C17orf99: variants seen among roughly 807,000 people sequenced by gnomAD.
C17orf99 encodes the protein chromosome 17 open reading frame 99, also known as protein IL-40.
In C17orf99, 18 loss-of-function variants were observed where a neutral mutation model predicts 22.6. The observed-to-expected ratio is 0.80, with a 90% confidence interval of 0.55 to 1.18. The LOEUF is 1.18. C17orf99 is among the 50% of genes most tolerant of loss of function. The pLI is 0.00. For synonymous variants in C17orf99, 147 were observed against 136.6 expected (o/e 1.08, Z -0.53); for missense variants, 328 against 342.7 (o/e 0.96, Z 0.34).
At position 78,157,657 on chromosome 17, in the gene C17orf99, C is replaced by T. The variant is rs112568717; in HGVS notation, c.71-3298C>T. On this transcript the variant is annotated intron_variant, in intron 2 of 4. Transcript: ENST00000340363. ...ACTAAAAATACAAAAATTAGCCGGG[C>T]GTGGTGGCGGGCGCCTGTAGTCCCA... 2.3e-3 allele frequency among the ~76,000 whole-genome samples: 354 copies of T among 151,870 alleles called. 1 individual carries two copies. Among genetic ancestry groups the T allele is most frequent in the Non-Finnish European group, 3.5e-3 (240 of 67,966 alleles).
Position 78,165,934 on chromosome 17 carries a change from C to A in C17orf99, c.686C>A (p.Pro229His). ...GACTGGCAGGGTCCCCTGGAGAGCC[C>A]CATCCTTGCCTTGCCGCTCTACAGG... ...MEDWQGPLESPILALPLYRST... is the reference protein window; with the variant it reads ...MEDWQGPLESHILALPLYRST... Residue 229 changes from proline (P) to histidine (H), a missense_variant, in exon 5 of 5, where the codon CCC becomes CAC. Pro to His is a moderately conservative substitution (Grantham distance 77). Coordinates refer to ENST00000340363, the MANE Select transcript of C17orf99 (RefSeq NM_001163075.2). 1 of 1,469,918 alleles carries A rather than the reference C, an allele frequency of 6.8e-7. No individual in the cohort carries two copies. The highest frequency in any genetic ancestry group is 9.1e-7 in the Non-Finnish European group (1 of 1,097,324). 91.1% of individuals were successfully genotyped at this position (1,469,918 alleles called of 1,614,324 possible).
intron 2 of C17orf99, among the ~76,000 whole-genome samples, chr17:78,151,340 G>A (rs1045031323): frequency 8.8e-5 from 12 of 135,766 alleles, no homozygotes; most frequent in East Asian, 4.9e-4. Flanking sequence ...CACAAGAATC[G>A]CTTGAAACCA....
Position 78,161,204 on chromosome 17 carries a change from G to C in C17orf99, c.320G>C (p.Gly107Ala). The C allele has an allele frequency of 6.4e-7, 1 of 1,551,746 alleles. No individual in the cohort carries two copies. The highest frequency in any genetic ancestry group is 8.7e-7 in the Non-Finnish European group (1 of 1,146,986). ...TTCTGCTGGGCGTCCTCCACCTCAG[G>C]TGCCCATGTGGACAGTGCCAGGCTA... ...TYFCWASSTS[G>A]AHVDSARLQM... The change falls in exon 3 of 5, where the codon GGT becomes GCT. Residue 107 changes from glycine (G) to alanine (A), a missense_variant. By Grantham distance (60) the Gly-to-Ala change is moderately conservative. Transcript: ENST00000340363.
rs898289830 is a variant in C17orf99 at position 78,146,392 on chromosome 17, C to T, written c.-16C>T. The T allele has an allele frequency of 6.5e-7, 1 of 1,550,102 alleles. No individual in the cohort carries two copies. On this transcript the variant is annotated 5_prime_UTR_variant, in exon 1 of 5. Coordinates refer to ENST00000340363, the MANE Select transcript of C17orf99 (RefSeq NM_001163075.2). This position sits in a 1 kb window ranked among gnomAD's most constrained non-coding sequence, Gnocchi z 5.2. ...GGTTCTCACTGCCCGAGCAGAGGCC[C>T]TACACCCACCGAGGCATGGGGCTCC...
intron 2 of C17orf99, chr17:78,159,138 TAA>T (rs59978970): frequency 2.6e-5 from 4 of 151,490 alleles, no homozygotes; most frequent in African/African-American, 4.9e-5. Flanking sequence ...TAATATGATT[TAA>T]AAAAAAAAGG....
intron 2 of C17orf99, among the ~76,000 whole-genome samples, chr17:78,155,345 G>T (rs548030100): frequency 6.6e-6 from 1 of 151,968 alleles, no homozygotes; most frequent in Non-Finnish European, 1.5e-5. Context: ...CTCATTGCAG[G>T]GTGGTTTCCA....
rs2075570976 is a variant in C17orf99, at chr17:78,161,015, G to A, written c.131G>A (p.Trp44Ter). 6.4e-7 allele frequency: 1 copy of A among 1,551,576 alleles called. No homozygotes were observed. Among genetic ancestry groups the A allele is most frequent in the Non-Finnish European group, 8.7e-7 (1 of 1,146,958 alleles). The change falls in exon 3 of 5, where the codon TGG becomes TAG. Residue 44 changes from tryptophan (W) to a stop codon, truncating the protein, a stop_gained. Coordinates refer to ENST00000340363, the MANE Select transcript of C17orf99 (RefSeq NM_001163075.2). LOFTEE classifies it high-confidence loss of function. ...KVLEVFPKGR[W>*]VLITCCAPQP... ...CTGGAAGTTTTCCCCAAAGGCCGCT[G>A]GGTGCTCATAACCTGCTGTGCACCC... is the stretch of plus-strand genomic sequence containing the variant.
chr17:78,160,917 G>T, intron 2 of C17orf99, 38 bp from the exon 3 acceptor site: 13 of 1,504,038 alleles, frequency 8.6e-6, no homozygotes, highest in South Asian at 1.2e-5. Flanking sequence ...GATCAATGTC[G>T]GTTTCTTTCT....
intron 2 of C17orf99, among the ~76,000 whole-genome samples, chr17:78,154,681 A>G (rs1007258638): frequency 1.3e-5 from 2 of 151,922 alleles, no homozygotes; most frequent in African/African-American, 4.8e-5. Context: ...TGTCTCTACT[A>G]AAAATACAAA....
intron 2 of C17orf99, chr17:78,157,850 C>T (rs1053000916): frequency 2.5e-5 from 27 of 1,063,658 alleles, no homozygotes; most frequent in Admixed American, 1.6e-4. Flanking sequence ...ACTCAAAGGC[C>T]GGCCACGTAA....
chr17:78,151,568 C>A (rs547559349), intron 2 of C17orf99, among the ~76,000 whole-genome samples: 34 of 152,110 alleles, frequency 2.2e-4, no homozygotes, highest in Admixed American at 6.5e-4. Context: ...CAAGGCCCCG[C>A]GGGAGCACCT....
chr17:78,147,343 C>G (rs2075444652), intron 2 of C17orf99, among the ~76,000 whole-genome samples: 1 of 152,160 alleles, frequency 6.6e-6, no homozygotes, highest in African/African-American at 2.4e-5. Flanking sequence ...ATTCTCTGAC[C>G]AGGAGGAGGG....
chr17:78,164,924 G>T, intron 4 of C17orf99: 1 of 1,155,666 alleles, frequency 8.7e-7, no homozygotes, highest in South Asian at 1.8e-5. Context: ...AACACAGTCT[G>T]CTGGCCTCTG....
chr17:78,164,450 A>G (rs748770116), intron 4 of C17orf99, 86 bp downstream of exon 4: 66 of 1,548,906 alleles, frequency 4.3e-5, no homozygotes, highest in Non-Finnish European at 5.8e-5. Flanking sequence ...GTCGATGGGA[A>G]GTGGGACAGC....
chr17:78,146,869 T>C lies in C17orf99; in HGVS notation c.38-10T>C. On this transcript the variant is annotated splice_polypyrimidine_tract_variant and intron_variant, in intron 1 of 4. Coordinates refer to ENST00000340363, the MANE Select transcript of C17orf99 (RefSeq NM_001163075.2). The surrounding 1 kb of genome is among the most constrained non-coding windows in gnomAD (Gnocchi z 5.2). ...AGGCCCTCTCCTTATCGCCCTTACC[T>C]CTCTTACAGCTGCCAGCAGCTTCTC... 1 of 1,551,174 alleles carries C rather than the reference T, an allele frequency of 6.4e-7. No individual in the cohort carries two copies.
upstream of C17orf99, chr17:78,146,326 C>A: frequency 1.5e-6 from 2 of 1,320,906 alleles, no homozygotes; most frequent in Admixed American, 2.2e-5. This position sits in a 1 kb window ranked among gnomAD's most constrained non-coding sequence, Gnocchi z 5.2. Context: ...ACCCAGGGAG[C>A]ATCCCAGGGG....
intron 2 of C17orf99, among the ~76,000 whole-genome samples, chr17:78,151,634 G>T (rs1195161414): frequency 1.3e-5 from 2 of 151,882 alleles, no homozygotes; most frequent in East Asian, 3.9e-4. Flanking sequence ...CATTCTCCCG[G>T]TGTGTGTCTG....
intron 2 of C17orf99, among the ~76,000 whole-genome samples, chr17:78,151,811 A>G (rs1239005398): frequency 6.6e-6 from 1 of 152,226 alleles, no homozygotes. Flanking sequence ...TTTGGAGGAC[A>G]TAATTCAACC....
chr17:78,156,966 G>A (rs1000963037), intron 2 of C17orf99, among the ~76,000 whole-genome samples: 18 of 152,052 alleles, frequency 1.2e-4, no homozygotes, highest in South Asian at 2.1e-4. Context: ...CTAAACCCAG[G>A]AGGTAGCCCT....
Sources: gnomAD v4.1 joint callset for allele counts (sites outside exome capture counted in the v4.1 genomes callset) on GRCh38, gnomAD v4.1.1 for gene constraint, Gnocchi (gnomAD v3.1) non-coding constraint, MANE v1.5 for transcripts, NCBI Gene and HGNC (gene_info 2026-07-23, HGNC 2026-07-21) for gene names.